The following GALNT13 variants were observed in gnomAD, a reference collection of about 807,000 sequenced individuals.
The protein encoded by GALNT13 is UDP-GalNAc:polypeptide N-acetylgalactosaminyltransferase 13.
GALNT13 carries 28 observed loss-of-function variants against 64.2 expected under a neutral mutation model. The ratio of observed to expected loss-of-function variants is 0.44; its 90% CI spans 0.32 to 0.60. GALNT13 has a LOEUF of 0.60. Among genes scored for constraint, GALNT13 ranks in the 20% least tolerant of loss-of-function variants. GALNT13 has a pLI of 0.05. For missense variants in GALNT13, 577 were observed against 669.8 expected (o/e 0.86, Z 1.53); for synonymous variants, 214 against 224.6 (o/e 0.95, Z 0.42).
the GALNT13 span, among the ~76,000 whole-genome samples, chr2:153,772,047 A>G: frequency 1.1e-4 from 16 of 151,926 alleles, no homozygotes; most frequent in African/African-American, 3.4e-4. Flanking sequence ...GGCTTGAGCA[A>G]CTCTTCTTGC....
chr2:153,834,757 T>C, the GALNT13 span, among the ~76,000 whole-genome samples: 2 of 152,174 alleles, frequency 1.3e-5, no homozygotes, highest in Non-Finnish European at 2.9e-5. Flanking sequence ...GGAAAGATAA[T>C]GAGGCATACA....
the GALNT13 span, among the ~76,000 whole-genome samples, chr2:153,741,750 T>C: frequency 1.3e-5 from 2 of 152,208 alleles, no homozygotes; most frequent in South Asian, 2.1e-4. Context: ...AAATGTGACT[T>C]TTATATTTTT....
chr2:154,101,103 T>A (rs1327739758), intron 3 of GALNT13, among the ~76,000 whole-genome samples: 1 of 152,128 alleles, frequency 6.6e-6, no homozygotes, highest in Non-Finnish European at 1.5e-5. Flanking sequence ...TAGATTCTGT[T>A]TGCTAGTATT....
At chr2:153,297,131 C>A in the GALNT13 span, among the ~76,000 whole-genome samples, 1 of 152,074 alleles carries the variant, frequency 6.6e-6, no homozygotes, top group Non-Finnish European at 1.5e-5. Flanking sequence ...TAAAAGCTTA[C>A]TTTGAAGGAA....
chr2:153,912,944 C>G (rs1238300875), intron 2 of GALNT13, among the ~76,000 whole-genome samples: 2 of 152,156 alleles, frequency 1.3e-5, no homozygotes, highest in Non-Finnish European at 2.9e-5. Flanking sequence ...TCAGCTGTGG[C>G]AGGGTGGTAG....
chr2:153,978,696 T>C (rs778717767), intron 3 of GALNT13, among the ~76,000 whole-genome samples: 3 of 152,216 alleles, frequency 2.0e-5, no homozygotes, highest in Non-Finnish European at 4.4e-5. Context: ...GAAGTCCAAT[T>C]AAACCTCTTT....
At chr2:153,640,206 C>T in the GALNT13 span, among the ~76,000 whole-genome samples, 25,973 of 152,012 alleles carry the variant, frequency 0.17, 2,743 homozygotes, top group Non-Finnish European at 0.23. Flanking sequence ...ATAGTTTTTA[C>T]TGAAGCTCAA....
chr2:154,351,848 G>C (rs897478342), intron 9 of GALNT13, among the ~76,000 whole-genome samples: 6 of 151,696 alleles, frequency 4.0e-5, no homozygotes, highest in Non-Finnish European at 5.9e-5. Flanking sequence ...AATAAAACAA[G>C]TAGTTTTATA....
intron 4 of GALNT13, among the ~76,000 whole-genome samples, chr2:154,154,430 G>C (rs537584990): frequency 1.3e-5 from 2 of 152,230 alleles, no homozygotes; most frequent in Non-Finnish European, 2.9e-5. Flanking sequence ...ATTTTATTTA[G>C]ACATGTGATA....
chr2:153,266,717 C>T, the GALNT13 span, among the ~76,000 whole-genome samples: 2 of 152,148 alleles, frequency 1.3e-5, no homozygotes, highest in Admixed American at 1.3e-4. Context: ...CCTCCCTTGA[C>T]ACGTGGGGAT....
chr2:153,762,238 T>A, the GALNT13 span: 1 of 152,174 alleles, frequency 6.6e-6, no homozygotes, highest in Non-Finnish European at 1.5e-5. Flanking sequence ...CACTTCTGTC[T>A]TCACATTAGT....
the GALNT13 span, among the ~76,000 whole-genome samples, chr2:153,403,240 G>A: frequency 6.0e-5 from 9 of 150,730 alleles, no homozygotes; most frequent in African/African-American, 9.7e-5. Context: ...TAGGCTGCTC[G>A]GGGGTCAGGG....
intron 9 of GALNT13, among the ~76,000 whole-genome samples, chr2:154,304,813 T>C (rs1274677255): frequency 6.6e-6 from 1 of 152,162 alleles, no homozygotes; most frequent in African/African-American, 2.4e-5. Flanking sequence ...TGTAGAAAAG[T>C]AGTTTGGGAG....
the GALNT13 span, among the ~76,000 whole-genome samples, chr2:153,351,024 T>C: frequency 6.6e-6 from 1 of 152,150 alleles, no homozygotes; most frequent in African/African-American, 2.4e-5. Context: ...TTTGTAGGTT[T>C]TAAGGAGGAT....
chr2:154,431,347 G>T (rs962214298), intron 11 of GALNT13, among the ~76,000 whole-genome samples: 1 of 151,914 alleles, frequency 6.6e-6, no homozygotes, highest in African/African-American at 2.4e-5. Flanking sequence ...TTGAGAAAAC[G>T]TTTGTTTGTA....
intron 4 of GALNT13, among the ~76,000 whole-genome samples, chr2:154,188,523 T>A (rs117497729): frequency 6.6e-6 from 1 of 152,280 alleles, no homozygotes; most frequent in East Asian, 1.9e-4. Context: ...AAAGATGCTA[T>A]GATTGTGAGC....
chr2:153,764,654 A>G, the GALNT13 span, among the ~76,000 whole-genome samples: 9 of 152,244 alleles, frequency 5.9e-5, no homozygotes, highest in African/African-American at 2.2e-4. Flanking sequence ...AAATTGGCAT[A>G]AGTAAGGAAG....
the GALNT13 span, among the ~76,000 whole-genome samples, chr2:153,721,572 C>T: frequency 8.7e-5 from 13 of 149,272 alleles, no homozygotes; most frequent in Admixed American, 6.6e-4. Context: ...ACCCATCTCA[C>T]GTGCAGAGAC....
At chr2:153,864,781 A>C in the GALNT13 span, among the ~76,000 whole-genome samples, 12 of 145,734 alleles carry the variant, frequency 8.2e-5, no homozygotes, top group South Asian at 4.5e-4. Context: ...GCTACCAATG[A>C]CTTTCTTCAC....
Sources: gnomAD v4.1 joint callset for allele counts (sites outside exome capture counted in the v4.1 genomes callset) on GRCh38, gnomAD v4.1.1 for gene constraint, MANE v1.5 for transcripts, NCBI Gene and HGNC (gene_info 2026-07-23, HGNC 2026-07-21) for gene names.